The following ARHGAP15 variants were observed in gnomAD, a reference collection of about 807,000 sequenced individuals.
ARHGAP15 encodes rho GTPase-activating protein 15.
ARHGAP15 carries 51 observed loss-of-function variants against 63.7 expected under a neutral mutation model. The ratio of observed to expected loss-of-function variants is 0.80; its 90% confidence interval spans 0.64 to 1.01. ARHGAP15 has a LOEUF of 1.01. Ranked by LOEUF, ARHGAP15 falls within the 50% of genes least tolerant of loss-of-function variation. ARHGAP15 has a pLI of 0.00. For missense variants in ARHGAP15, 560 were observed against 564.6 expected (o/e 0.99, Z 0.08); for synonymous variants, 191 against 193.8 (o/e 0.99, Z 0.12).
At chr2:143,721,631 T>G (rs2105464453) in intron 13 of ARHGAP15, among the ~76,000 whole-genome samples, 1 of 152,258 alleles carries the variant, frequency 6.6e-6, no homozygotes, top group Non-Finnish European at 1.5e-5. Flanking sequence ...AGTAATAATT[T>G]TCCTTCAAAT....
At chr2:143,153,815 CTTCTTCTTCTTCTTCTTCT>C (rs1689943203) in intron 1 of ARHGAP15, among the ~76,000 whole-genome samples, 1 of 80,028 alleles carries the variant, frequency 1.2e-5, no homozygotes, top group African/African-American at 4.5e-5. Context: ...TCTTCTTCTT[CTTCTTCTTCTTCTTCTTCT>C]TCTTCTTCTT....
At chr2:143,385,199 T>C (rs568017611) in intron 6 of ARHGAP15, among the ~76,000 whole-genome samples, 6 of 152,154 alleles carry the variant, frequency 3.9e-5, no homozygotes, top group Admixed American at 6.6e-5. Flanking sequence ...CTGCCTGATC[T>C]AGGACCACTT....
chr2:143,324,364 G>A (rs34675033), intron 6 of ARHGAP15, among the ~76,000 whole-genome samples: 35,166 of 151,982 alleles, frequency 0.23, 4,547 homozygotes, highest in East Asian at 0.45. Flanking sequence ...TGGTGTTTGC[G>A]TTCTTAATTC....
intron 10 of ARHGAP15, among the ~76,000 whole-genome samples, chr2:143,541,917 C>A (rs1372742647): frequency 1.3e-5 from 2 of 152,184 alleles, no homozygotes; most frequent in African/African-American, 2.4e-5. Context: ...CAGACAGGGA[C>A]CTTTAAGTCT....
At chr2:143,765,565 A>G (rs1175436262) in intron 13 of ARHGAP15, among the ~76,000 whole-genome samples, 1 of 152,234 alleles carries the variant, frequency 6.6e-6, no homozygotes, top group East Asian at 1.9e-4. Context: ...AATGGGAAGC[A>G]GAATATCCTG....
At chr2:143,609,254 C>G (rs745925184) in intron 11 of ARHGAP15, among the ~76,000 whole-genome samples, 7 of 152,150 alleles carry the variant, frequency 4.6e-5, no homozygotes, top group Non-Finnish European at 1.0e-4. Context: ...ACTCTACTGG[C>G]TCAATTCTCT....
intron 10 of ARHGAP15, among the ~76,000 whole-genome samples, chr2:143,522,679 A>C (rs1694106319): frequency 6.6e-6 from 1 of 152,258 alleles, no homozygotes; most frequent in Non-Finnish European, 1.5e-5. Context: ...ACATACACTA[A>C]CGCTAACAAT....
chr2:143,727,709 G>A (rs566747028), intron 13 of ARHGAP15, among the ~76,000 whole-genome samples: 17 of 152,246 alleles, frequency 1.1e-4, no homozygotes, highest in African/African-American at 3.6e-4. Context: ...TAATGGTATG[G>A]AGACAGAGTT....
At chr2:143,568,477 C>G (rs1696325244) in intron 11 of ARHGAP15, among the ~76,000 whole-genome samples, 1 of 152,142 alleles carries the variant, frequency 6.6e-6, no homozygotes, top group Non-Finnish European at 1.5e-5. Context: ...CCATCTCACA[C>G]CAGTTAGAAT....
intron 12 of ARHGAP15, among the ~76,000 whole-genome samples, chr2:143,662,009 GC>G (rs1201635734): frequency 1.3e-5 from 2 of 152,236 alleles, no homozygotes; most frequent in Non-Finnish European, 2.9e-5. Context: ...GCCCGCCATT[GC>G]CCAGGCTTGC....
At chr2:143,646,272 A>T (rs570922639) in intron 12 of ARHGAP15, among the ~76,000 whole-genome samples, 1 of 152,076 alleles carries the variant, frequency 6.6e-6, no homozygotes, top group African/African-American at 2.4e-5. Flanking sequence ...GAGTTGTTTC[A>T]TATGAAAGAA....
intron 11 of ARHGAP15, among the ~76,000 whole-genome samples, chr2:143,585,563 A>G (rs924766622): frequency 4.6e-5 from 7 of 152,180 alleles, no homozygotes; most frequent in African/African-American, 1.7e-4. Flanking sequence ...GTTTAGTTCT[A>G]CTTGAATTTT....
intron 13 of ARHGAP15, among the ~76,000 whole-genome samples, chr2:143,764,509 G>C (rs1475927805): frequency 6.6e-6 from 1 of 152,122 alleles, no homozygotes; most frequent in African/African-American, 2.4e-5. Context: ...AAAATAAAAA[G>C]AATGCTGCAG....
intron 2 of ARHGAP15, among the ~76,000 whole-genome samples, chr2:143,187,040 C>T (rs1220557546): frequency 2.6e-5 from 4 of 152,058 alleles, no homozygotes; most frequent in African/African-American, 9.7e-5. Context: ...CTTTCTAGAT[C>T]CAAGGATCTA....
chr2:143,329,340 G>A (rs78988677), intron 6 of ARHGAP15, among the ~76,000 whole-genome samples: 2,487 of 152,288 alleles, frequency 0.016, 70 homozygotes, highest in African/African-American at 0.056. Context: ...CTTTGAAAGC[G>A]AGTCTAGATG....
rs370119228 is a variant in ARHGAP15, at chr2:143,317,325, G to A, written c.474+66725G>A. Among the ~76,000 whole-genome samples, 301 of 152,310 alleles carry A rather than the reference G, an allele frequency of 2.0e-3. 2 individuals carry two copies. Among genetic ancestry groups the A allele is most frequent in the African/African-American group, 7.1e-3 (295 of 41,568 alleles). On this transcript the variant is annotated intron_variant, in intron 6 of 13. Coordinates refer to ENST00000295095, the MANE Select transcript of ARHGAP15 (RefSeq NM_018460.4). ...TGTGGTTATTCATTGAGTGTGAAGTGTATTCATTGAACACCTAATATATGT... is the reference window on the plus strand; with the variant it reads ...TGTGGTTATTCATTGAGTGTGAAGTATATTCATTGAACACCTAATATATGT...
chr2:143,140,689 T>C (rs1020563839), intron 1 of ARHGAP15, among the ~76,000 whole-genome samples: 3 of 152,138 alleles, frequency 2.0e-5, no homozygotes, highest in Non-Finnish European at 4.4e-5. Flanking sequence ...TTTTCTTCCT[T>C]TCTTTTGTTT....
intron 6 of ARHGAP15, among the ~76,000 whole-genome samples, chr2:143,330,133 C>CAAAAAAAAAAAAAAAAAT: frequency 2.7e-5 from 1 of 37,358 alleles, no homozygotes; most frequent in Non-Finnish European, 5.2e-5. Flanking sequence ...AAAAAAAAAC[C>CAAAAAAAAAAAAAAAAAT]AAAAACAAAA....
At chr2:143,745,919 A>T (rs1686145740) in intron 13 of ARHGAP15, among the ~76,000 whole-genome samples, 1 of 152,210 alleles carries the variant, frequency 6.6e-6, no homozygotes, top group Non-Finnish European at 1.5e-5. Flanking sequence ...GAGAAAAATC[A>T]GGCTTTCTGT....
Sources: gnomAD v4.1 joint callset for allele counts (sites outside exome capture counted in the v4.1 genomes callset) on GRCh38, gnomAD v4.1.1 for gene constraint, MANE v1.5 for transcripts, NCBI Gene and HGNC (gene_info 2026-07-23, HGNC 2026-07-21) for gene names.